Variants in GZMM observed in about 807,000 individuals in gnomAD.
GZMM encodes the protein HU-Met-1.
In GZMM, 23 loss-of-function variants were observed where a neutral mutation model predicts 19.2. The observed-to-expected ratio is 1.20, with a 90% CI of 0.86 to 1.69. The LOEUF is 1.69. Among genes scored for constraint, GZMM ranks in the 40% most tolerant of loss-of-function variants. The probability of loss-of-function intolerance (pLI) is 0.00; values close to 1 mark genes in which losing one functional copy is unlikely to be tolerated. For synonymous variants in GZMM, 178 were observed against 160.2 expected, an observed-to-expected ratio of 1.11 and a Z score of -0.84; for missense variants, 373 against 352.2, an observed-to-expected ratio of 1.06 and a Z score of -0.47.
chr19:549,753 G>C lies in GZMM; in HGVS notation c.736G>C (p.Val246Leu), dbSNP rs760924563. The change falls in exon 5 of 5, where the codon GTG (valine) becomes CTG (leucine). Residue 246 changes from valine (V) to leucine (L), a missense_variant. Physicochemically the swap from Val to Leu is conservative, Grantham distance 32. Transcript: ENST00000264553. The stretch of plus-strand genomic sequence containing the variant: ...CGTGGCCACCGCTGTGGCGCCTTAC[G>C]TGTCCTGGATCAGGAAGGTCACCGG... ...PPVATAVAPY[V>L]SWIRKVTGRS... 2.5e-6 allele frequency: 4 copies of C among 1,613,512 alleles called. No homozygotes were observed. The highest frequency in any genetic ancestry group is 1.7e-5 in the Admixed American group (1 of 60,016).
intron 2 of GZMM, among the ~76,000 whole-genome samples, chr19:547,824 T>TTA (rs1271216263): frequency 6.6e-6 from 1 of 151,320 alleles, no homozygotes; most frequent in African/African-American, 2.4e-5. Context: ...GGCCAGGAGG[T>TTA]CGAAGCCGGC....
At chr19:548,513 C>G (rs368476709) in intron 2 of GZMM, 29 bp from the exon 3 acceptor site, 1 of 1,610,152 alleles carries the variant, frequency 6.2e-7, no homozygotes, top group Admixed American at 1.7e-5. Context: ...CGGGCCAGGC[C>G]GCAGCACCCT....
chr19:549,612 G>C lies in GZMM; in HGVS notation c.613-18G>C. On this transcript the variant is annotated intron_variant, in intron 4 of 4. Coordinates refer to ENST00000264553, the MANE Select transcript of GZMM (RefSeq NM_005317.4). ...TCAGCAGGTGCAGAGGCTGAGCTGC[G>C]GTGTGTCGTCCCTGCAGGGTGACTC... 1 of 1,605,822 alleles carries C rather than the reference G, an allele frequency of 6.2e-7. No individual in the cohort carries two copies. The highest frequency in any genetic ancestry group is 8.5e-7 in the Non-Finnish European group (1 of 1,179,008).
intron 2 of GZMM, 54 bp downstream of exon 2, chr19:547,490 C>G: frequency 7.7e-7 from 1 of 1,294,210 alleles, no homozygotes; most frequent in Non-Finnish European, 1.0e-6. Context: ...TCCGACGGCG[C>G]CCATTCTCTG....
At chr19:549,265 G>A (rs1980422211) in intron 4 of GZMM, 80 bp downstream of exon 4, 2 of 1,392,052 alleles carry the variant, frequency 1.4e-6, no homozygotes, top group Admixed American at 4.6e-5. Context: ...GCAGGTTCCT[G>A]GCTCTCCCGT....
chr19:545,528 G>A (rs1485178948), intron 1 of GZMM, among the ~76,000 whole-genome samples: 3 of 150,982 alleles, frequency 2.0e-5, no homozygotes, highest in Non-Finnish European at 4.4e-5. Flanking sequence ...TGTATTTTTA[G>A]TAGAGACAGG....
chr19:547,274 T>G lies in GZMM; in HGVS notation c.56-6T>G. The G allele has an allele frequency of 6.6e-7, 1 of 1,504,186 alleles. No homozygotes were observed. Among genetic ancestry groups the G allele is most frequent in the Non-Finnish European group, 8.9e-7 (1 of 1,125,416 alleles). 93.2% of individuals were successfully genotyped at this position (1,504,186 alleles called of 1,614,324 possible). On this transcript the variant is annotated splice_polypyrimidine_tract_variant and splice_region_variant and intron_variant, in intron 1 of 4. Coordinates refer to ENST00000264553, the MANE Select transcript of GZMM (RefSeq NM_005317.4). ...CAACCTGGCTCTTTGTCCCCCATCC[T>G]GGCAGGCAGCTCCTTTGGGACCCAG...
intron 1 of GZMM, among the ~76,000 whole-genome samples, chr19:546,847 G>GA (rs748782435): frequency 0.014 from 876 of 61,826 alleles, 1 homozygote; most frequent in Admixed American, 0.038. Flanking sequence ...CAAAAAAAAA[G>GA]AAAAAAAAAG....
chr19:549,814 C>A lies in GZMM; in HGVS notation c.*23C>A, dbSNP rs915104792. 3 of 1,601,296 alleles carry A rather than the reference C, an allele frequency of 1.9e-6. No individual in the cohort carries two copies. The highest frequency in any genetic ancestry group is 2.7e-5 in the African/African-American group (2 of 74,778). On this transcript the variant is annotated 3_prime_UTR_variant, in exon 5 of 5. Transcript: ENST00000264553. ...TGATGCCCTGGGGTGATGGGGACCC[C>A]CTCGCTGTCTCCACAGGACCCTTCC...
At chr19:547,530 C>T (rs1980336541) in intron 2 of GZMM, 94 bp downstream of exon 2, 1 of 1,006,400 alleles carries the variant, frequency 9.9e-7, no homozygotes, top group Non-Finnish European at 1.3e-6. Context: ...GATTTAGGCC[C>T]ATTGTGGGAC....
chr19:547,178 C>T (rs1980316292), intron 1 of GZMM, 102 bp from the exon 2 acceptor site: 1 of 1,116,138 alleles, frequency 9.0e-7, no homozygotes, highest in East Asian at 2.9e-5. Flanking sequence ...TAGGATGGCA[C>T]ATCTGCTTGG....
At chr19:548,206 A>G (rs1407966125) in intron 2 of GZMM, among the ~76,000 whole-genome samples, 3 of 152,234 alleles carry the variant, frequency 2.0e-5, no homozygotes, top group African/African-American at 2.4e-5. Flanking sequence ...CAACCCCTGT[A>G]CAAATCACTG....
At chr19:548,733 C>G in intron 3 of GZMM, 56 bp downstream of exon 3, 1 of 1,552,994 alleles carries the variant, frequency 6.4e-7, no homozygotes, top group Non-Finnish European at 8.8e-7. Context: ...CACGGGTGCC[C>G]CTCACCCCCA....
At position 549,080 on chromosome 19, in the gene GZMM, A is replaced by G. The variant is rs59771750; in HGVS notation, c.507A>G (p.Gln169=). ...LSRVLRELDL[Q]VLDTRMCNNS... ...GGGTGCTGCGGGAGCTGGACCTCCA[A>G]GTGCTGGACACCCGCATGTGTAACA... The change falls in exon 4 of 5, where the codon CAA becomes CAG. Residue 169 remains glutamine (Q), a synonymous_variant. Transcript: ENST00000264553. 0.063 allele frequency: 100,155 copies of G among 1,588,212 alleles called. 3,543 individuals are homozygous for G. The highest frequency in any genetic ancestry group is 0.11 in the Middle Eastern group (651 of 6,016).
intron 1 of GZMM, among the ~76,000 whole-genome samples, chr19:546,046 C>T (rs1288522195): frequency 7.0e-6 from 1 of 143,340 alleles, no homozygotes. Context: ...TCCCAAAGTG[C>T]TGGGATTATA....
chr19:549,860 TGGG>T lies in GZMM; in HGVS notation c.*70_*72del. The T allele has an allele frequency of 7.7e-6, 4 of 521,352 alleles. No homozygotes were observed. The highest frequency in any genetic ancestry group is 1.5e-5 in the Non-Finnish European group (4 of 274,348). 32.3% of individuals were successfully genotyped at this position (521,352 alleles called of 1,614,324 possible). A position where few individuals can be genotyped will look rare whatever the true frequency, so the allele number is the denominator to read the frequency against. ...CTTCCCCTCCAGGGGTGCAGTGGGG[TGGG>T]TGAGGACGGGTGGGAGGGACAGGGA... On this transcript the variant is annotated 3_prime_UTR_variant, in exon 5 of 5. Coordinates refer to ENST00000264553, the MANE Select transcript of GZMM (RefSeq NM_005317.4).
chr19:547,378 G>C lies in GZMM; in HGVS notation c.154G>C (p.Gly52Arg), dbSNP rs146522321. 1.5e-4 allele frequency: 230 copies of C among 1,553,354 alleles called. No homozygotes were observed. In the African/African-American group the frequency reaches 2.9e-3, roughly 20 times the overall value. The change falls in exon 2 of 5, where the codon GGG (glycine) becomes CGG (arginine). Residue 52 changes from glycine (G) to arginine (R), a missense_variant. Gly to Arg is a moderately radical substitution (Grantham distance 125). Transcript: ENST00000264553. ...SLQRNGSHLC[G>R]GVLVHPKWVL... ...GCAGAGAAATGGCTCCCACCTGTGC[G>C]GGGGTGTCCTGGTGCACCCAAAGTG... is the stretch of plus-strand genomic sequence containing the variant.
At position 549,848 on chromosome 19, in the gene GZMM, GGT is replaced by G; in HGVS notation, c.*59_*60del. 1 of 1,282,274 alleles carries G rather than the reference GGT, an allele frequency of 7.8e-7. No homozygotes were observed. The highest frequency in any genetic ancestry group is 1.1e-6 in the Non-Finnish European group (1 of 900,298). The allele number at this position is 1,282,274 out of a possible 1,614,324, so 79.4% of individuals were successfully genotyped here. ...CTCCACAGGACCCTTCCCCTCCAGG[GGT>G]GCAGTGGGGTGGGTGAGGACGGGTG... On this transcript the variant is annotated 3_prime_UTR_variant, in exon 5 of 5. Coordinates refer to ENST00000264553, the MANE Select transcript of GZMM (RefSeq NM_005317.4).
chr19:547,518 G>A, intron 2 of GZMM, 82 bp downstream of exon 2: 1 of 1,135,378 alleles, frequency 8.8e-7, no homozygotes, highest in Non-Finnish European at 1.1e-6. Context: ...TGGGCTCTGG[G>A]AGATTTAGGC....
Sources: gnomAD v4.1 joint callset for allele counts (sites outside exome capture counted in the v4.1 genomes callset) on GRCh38, gnomAD v4.1.1 for gene constraint, MANE v1.5 for transcripts, NCBI Gene and HGNC (gene_info 2026-07-23, HGNC 2026-07-21) for gene names.